GNS: variants seen among roughly 807,000 people sequenced by gnomAD.
GNS encodes N-acetylglucosamine-6-sulfatase.
A neutral mutation model predicts 69.7 loss-of-function variants in GNS; 40 were observed. That is an observed-to-expected ratio of 0.57 (90% confidence interval 0.45 to 0.75). The LOEUF (loss-of-function observed/expected upper bound fraction) is 0.75, where lower values mean the gene tolerates loss of function less well. Among genes scored for constraint, GNS ranks in the 30% least tolerant of loss-of-function variants. The probability of loss-of-function intolerance (pLI) is 0.00; values close to 1 mark genes in which losing one functional copy is unlikely to be tolerated. For missense variants in GNS, 565 were observed against 685.5 expected (o/e 0.82, Z 1.96); for synonymous variants, 243 against 251.6 (o/e 0.97, Z 0.32).
Position 64,714,735 on chromosome 12 carries a change from G to A in GNS, c.*2006C>T, listed in dbSNP as rs1432724790. 1 of 152,182 alleles carries A rather than the reference G, an allele frequency of 6.6e-6. No homozygotes were observed. Among genetic ancestry groups the A allele is most frequent in the Non-Finnish European group, 1.5e-5 (1 of 68,030 alleles). 9.4% of individuals were successfully genotyped at this position (152,182 alleles called of 1,614,324 possible). A position where few individuals can be genotyped will look rare whatever the true frequency, so the allele number is the denominator to read the frequency against. ...CATCACAGTCCAAGACCTGGTAAGA[G>A]TTGGTTTCTTTTTATTTGGAAATAA... On this transcript the variant is annotated 3_prime_UTR_variant, in exon 14 of 14. Transcript: ENST00000258145.
At chr12:64,723,391 T>C (rs573936266) in intron 10 of GNS, among the ~76,000 whole-genome samples, 6 of 152,316 alleles carry the variant, frequency 3.9e-5, no homozygotes, top group African/African-American at 1.4e-4. Flanking sequence ...CCTGACAAGG[T>C]AGCTAAGCAA....
intron 2 of GNS, among the ~76,000 whole-genome samples, chr12:64,749,869 A>G (rs1350825977): frequency 7.0e-6 from 1 of 143,172 alleles, no homozygotes; most frequent in African/African-American, 2.6e-5. Flanking sequence ...CATCTGGTAG[A>G]GCAATTTTTT....
At chr12:64,728,521 C>G (rs1235414597) in intron 10 of GNS, among the ~76,000 whole-genome samples, 1 of 152,208 alleles carries the variant, frequency 6.6e-6, no homozygotes, top group Non-Finnish European at 1.5e-5. Context: ...TGCCAGTTCA[C>G]AGAGAGAGGT....
chr12:64,738,909 C>T (rs1869637091), intron 8 of GNS, among the ~76,000 whole-genome samples: 2 of 151,934 alleles, frequency 1.3e-5, no homozygotes, highest in Non-Finnish European at 2.9e-5. Context: ...TTCAAGTGGA[C>T]ATTTATATAT....
intron 10 of GNS, among the ~76,000 whole-genome samples, chr12:64,724,241 A>G (rs1267071761): frequency 6.6e-6 from 1 of 152,244 alleles, no homozygotes; most frequent in Non-Finnish European, 1.5e-5. Flanking sequence ...TGTGGTTCCC[A>G]GGACAAGCAG....
Position 64,744,709 on chromosome 12 carries a change from C to A in GNS, c.624+100G>T, listed in dbSNP as rs1869845700. 4 of 743,522 alleles carry A rather than the reference C, an allele frequency of 5.4e-6. No individual in the cohort carries two copies. In the Admixed American group the frequency reaches 5.6e-5, roughly 10 times the overall value. The allele number at this position is 743,522 out of a possible 1,614,324, so 46.1% of individuals were successfully genotyped here. On this transcript the variant is annotated intron_variant, in intron 5 of 13. Transcript: ENST00000258145. ...CCAAGTTACTGTGCATTTATATTAC[C>A]CAACACAAACGAATAAGATTATAGG... is the stretch of plus-strand genomic sequence containing the variant.
At chr12:64,745,001 A>G (rs1869855280) in intron 4 of GNS, 94 bp from the exon 5 acceptor site, 2 of 714,054 alleles carry the variant, frequency 2.8e-6, no homozygotes, top group Non-Finnish European at 5.2e-6. Flanking sequence ...CTGAGCAGTG[A>G]TAAGACATTA....
At chr12:64,724,458 AG>A (rs1420634084) in intron 10 of GNS, among the ~76,000 whole-genome samples, 4 of 152,234 alleles carry the variant, frequency 2.6e-5, no homozygotes, top group Non-Finnish European at 5.9e-5. Context: ...CCTGAAAAGG[AG>A]GAGTTAGAGA....
At position 64,745,742 on chromosome 12, in the gene GNS, TA is replaced by T; in HGVS notation, c.460-19del. 2 of 1,513,800 alleles carry T rather than the reference TA, an allele frequency of 1.3e-6. No homozygotes were observed. The highest frequency in any genetic ancestry group is 9.2e-7 in the Non-Finnish European group (1 of 1,088,368). The allele number at this position is 1,513,800 out of a possible 1,614,324, so 93.8% of individuals were successfully genotyped here. On this transcript the variant is annotated intron_variant, in intron 3 of 13. Coordinates refer to ENST00000258145, the MANE Select transcript of GNS (RefSeq NM_002076.4). ...GCTCCGTACTGAAAAGCAAAACAAGTAGGGACAATTACAAGTCCTTAGATAT... is the reference window on the plus strand; with the variant it reads ...GCTCCGTACTGAAAAGCAAAACAAGTGGGACAATTACAAGTCCTTAGATAT...
chr12:64,727,797 GT>G (rs1458453371), intron 10 of GNS, among the ~76,000 whole-genome samples: 1 of 152,078 alleles, frequency 6.6e-6, no homozygotes, highest in Non-Finnish European at 1.5e-5. Context: ...TGGATTTTCA[GT>G]TTTCTCCTAT....
intron 9 of GNS, among the ~76,000 whole-genome samples, chr12:64,733,888 C>T (rs146694880): frequency 7.3e-5 from 11 of 151,458 alleles, no homozygotes; most frequent in African/African-American, 2.7e-4. Context: ...GAGGAGAAAA[C>T]GTCAATAGTC....
chr12:64,742,232 G>A (rs989294785), intron 6 of GNS, among the ~76,000 whole-genome samples: 28 of 152,128 alleles, frequency 1.8e-4, no homozygotes, highest in Admixed American at 1.0e-3. Flanking sequence ...GTGTTAGCCA[G>A]GATGGTCTCA....
At chr12:64,756,025 C>T (rs1222802761) in intron 1 of GNS, among the ~76,000 whole-genome samples, 1 of 152,066 alleles carries the variant, frequency 6.6e-6, no homozygotes, top group Non-Finnish European at 1.5e-5. Context: ...GTCCACCACA[C>T]TATAATGATG....
chr12:64,741,358 T>A (rs992581242), intron 6 of GNS, among the ~76,000 whole-genome samples: 62 of 151,722 alleles, frequency 4.1e-4, no homozygotes, highest in Admixed American at 4.6e-4. Flanking sequence ...CGATCTCGGC[T>A]CACTGCAACC....
intron 1 of GNS, 74 bp from the exon 2 acceptor site, chr12:64,752,831 T>C (rs763486786): frequency 2.8e-5 from 22 of 785,302 alleles, no homozygotes; most frequent in Non-Finnish European, 4.3e-5. Context: ...AATTCCTGTT[T>C]TGTTACATCT....
At chr12:64,739,994 A>C (rs904081998) in intron 7 of GNS, among the ~76,000 whole-genome samples, 1 of 152,170 alleles carries the variant, frequency 6.6e-6, no homozygotes, top group Non-Finnish European at 1.5e-5. Context: ...TGTTTTTATA[A>C]AGTTTTATTG....
intron 4 of GNS, 93 bp from the exon 5 acceptor site, chr12:64,745,000 G>C: frequency 1.4e-6 from 1 of 717,012 alleles, no homozygotes; most frequent in Admixed American, 2.0e-5. Flanking sequence ...TCTGAGCAGT[G>C]ATAAGACATT....
intron 9 of GNS, among the ~76,000 whole-genome samples, chr12:64,735,029 G>A (rs949993774): frequency 6.6e-6 from 1 of 152,164 alleles, no homozygotes; most frequent in Admixed American, 6.5e-5. Context: ...ACAATAGCGT[G>A]AACCCAGGAG....
chr12:64,742,097 G>T (rs747889300), intron 6 of GNS, among the ~76,000 whole-genome samples: 12 of 151,716 alleles, frequency 7.9e-5, no homozygotes, highest in Non-Finnish European at 1.5e-4. Flanking sequence ...CTCGGCTCAC[G>T]GCAAGCTCCG....
Sources: gnomAD v4.1 joint callset for allele counts (sites outside exome capture counted in the v4.1 genomes callset) on GRCh38, gnomAD v4.1.1 for gene constraint, MANE v1.5 for transcripts, NCBI Gene and HGNC (gene_info 2026-07-23, HGNC 2026-07-21) for gene names.